Variants in CCSER1 observed in about 807,000 individuals in gnomAD.
The protein encoded by CCSER1 is coiled-coil serine rich protein 1.
Under a neutral mutation model 82.0 loss-of-function variants are expected in CCSER1, and 41 were observed. The ratio of observed to expected loss-of-function variants is 0.50; its 90% CI spans 0.39 to 0.65. CCSER1 has a LOEUF of 0.65. Ranked by LOEUF, CCSER1 falls within the 30% of genes least tolerant of loss-of-function variation. The pLI, the probability that CCSER1 is intolerant of heterozygous loss-of-function variation, is 0.00. For missense variants in CCSER1, 1,119 were observed against 1,064.2 expected (o/e 1.05, Z -0.72); for synonymous variants, 414 against 383.9 (o/e 1.08, Z -0.92).
rs116477198 is a variant in CCSER1 at position 90,340,595 on chromosome 4, A to G, written c.1509+27548A>G. ...GGAAAAAATAGCTGTTGAATCATCT[A>G]TGGAGCATATTGCATAATTTGTAAT... On this transcript the variant is annotated intron_variant, in intron 3 of 10. Transcript: ENST00000509176. 6.3e-3 allele frequency among the ~76,000 whole-genome samples: 967 copies of G among 152,292 alleles called. 13 individuals carry two copies. Among genetic ancestry groups the G allele is most frequent in the African/African-American group, 0.022 (918 of 41,576 alleles).
intron 10 of CCSER1, among the ~76,000 whole-genome samples, chr4:91,225,237 T>G (rs1272086070): frequency 7.1e-6 from 1 of 141,088 alleles, no homozygotes; most frequent in Non-Finnish European, 1.5e-5. Flanking sequence ...TATATACATG[T>G]ATAATTATAT....
intron 7 of CCSER1, among the ~76,000 whole-genome samples, chr4:90,725,428 G>A (rs1743465139): frequency 6.6e-6 from 1 of 151,416 alleles, no homozygotes. Context: ...GGTTCTATAA[G>A]AAATTAAAAC....
chr4:90,474,831 A>G (rs1169207574), intron 5 of CCSER1, among the ~76,000 whole-genome samples: 5 of 152,208 alleles, frequency 3.3e-5, no homozygotes, highest in African/African-American at 1.2e-4. Flanking sequence ...AGTTAAATAT[A>G]GTTATTAAAC....
intron 7 of CCSER1, among the ~76,000 whole-genome samples, chr4:90,791,981 T>G (rs1482640216): frequency 1.3e-5 from 2 of 152,228 alleles, no homozygotes; most frequent in Non-Finnish European, 2.9e-5. Flanking sequence ...TTATTGCAGT[T>G]GCCTTGAACC....
rs532460317 is a variant in CCSER1 at position 91,598,734 on chromosome 4, C to T, written c.2380C>T (p.Leu794=). 3 of 1,551,504 alleles carry T rather than the reference C, an allele frequency of 1.9e-6. No homozygotes were observed. In the East Asian group the frequency reaches 7.3e-5, roughly 38 times the overall value. Residue 794 remains leucine (L), a synonymous_variant, in exon 11 of 11, where the codon CTG becomes TTG. Coordinates refer to ENST00000509176, the MANE Select transcript of CCSER1 (RefSeq NM_001145065.2). ...CCCAAGTCTCTGTTTAAGTAATTTC[C>T]TGAAGGACAAGGAACTAGCAGAAGT... ...QLPSLCLSNF[L]KDKELAEVIK...
chr4:91,556,513 G>A (rs939465363), intron 10 of CCSER1, among the ~76,000 whole-genome samples: 1 of 150,678 alleles, frequency 6.6e-6, no homozygotes, highest in Non-Finnish European at 1.5e-5. Flanking sequence ...TTGTGCATAT[G>A]TACTCTAAAA....
At chr4:91,044,263 C>CTG (rs1249718890) in intron 9 of CCSER1, among the ~76,000 whole-genome samples, 4 of 152,126 alleles carry the variant, frequency 2.6e-5, no homozygotes, top group Admixed American at 6.6e-5. Context: ...AGAATTGCTA[C>CTG]AATTCAAAGA....
chr4:90,473,407 G>C (rs189673501), intron 5 of CCSER1, among the ~76,000 whole-genome samples: 166 of 152,176 alleles, frequency 1.1e-3, no homozygotes, highest in African/African-American at 3.4e-3. Flanking sequence ...CTTAGGAATA[G>C]ATTTGATTTA....
intron 10 of CCSER1, among the ~76,000 whole-genome samples, chr4:91,352,508 T>C (rs1193168407): frequency 6.6e-6 from 1 of 152,168 alleles, no homozygotes; most frequent in African/African-American, 2.4e-5. Context: ...CATCCCAAAG[T>C]GCTCAGATTA....
chr4:90,402,928 TGA>T (rs1753103823), intron 4 of CCSER1, among the ~76,000 whole-genome samples: 1 of 152,232 alleles, frequency 6.6e-6, no homozygotes, highest in Non-Finnish European at 1.5e-5. Context: ...GGGTACCTGA[TGA>T]ATCAACTGAG....
At chr4:90,634,216 A>G (rs1338516709) in intron 6 of CCSER1, among the ~76,000 whole-genome samples, 1 of 151,756 alleles carries the variant, frequency 6.6e-6, no homozygotes, top group African/African-American at 2.4e-5. Context: ...ATAAGTAAAA[A>G]TCAAGGAACT....
intron 10 of CCSER1, among the ~76,000 whole-genome samples, chr4:91,415,621 C>T (rs754253125): frequency 3.3e-5 from 5 of 151,978 alleles, no homozygotes; most frequent in East Asian, 1.9e-4. Flanking sequence ...TACCATGAAG[C>T]GATGTTGAAT....
chr4:90,296,987 T>G (rs1031012512), intron 1 of CCSER1, among the ~76,000 whole-genome samples: 30 of 152,024 alleles, frequency 2.0e-4, no homozygotes, highest in African/African-American at 3.1e-4. Flanking sequence ...CTCTTTTTTG[T>G]TTCCATATGA....
chr4:90,217,876 G>A (rs1741386034), intron 1 of CCSER1, among the ~76,000 whole-genome samples: 1 of 151,942 alleles, frequency 6.6e-6, no homozygotes, highest in South Asian at 2.1e-4. Context: ...GCTCAGTGCA[G>A]CCTTGACCTC....
At chr4:91,475,576 T>C (rs1250712866) in intron 10 of CCSER1, among the ~76,000 whole-genome samples, 4 of 151,890 alleles carry the variant, frequency 2.6e-5, no homozygotes, top group Non-Finnish European at 4.4e-5. Context: ...TTAGTAAAAG[T>C]TGACCCCCTG....
chr4:90,870,005 C>T (rs972710766), intron 8 of CCSER1, among the ~76,000 whole-genome samples: 2 of 151,820 alleles, frequency 1.3e-5, no homozygotes, highest in African/African-American at 4.8e-5. Context: ...AGATTGTTCA[C>T]TCTTAGCATC....
chr4:91,460,439 C>T (rs990401465), intron 10 of CCSER1, among the ~76,000 whole-genome samples: 7 of 152,150 alleles, frequency 4.6e-5, no homozygotes, highest in African/African-American at 1.4e-4. Context: ...AAATTCAGTC[C>T]GATGGCTCTA....
intron 1 of CCSER1, among the ~76,000 whole-genome samples, chr4:90,191,556 A>G (rs1320978384): frequency 6.6e-6 from 1 of 152,002 alleles, no homozygotes; most frequent in Non-Finnish European, 1.5e-5. Flanking sequence ...TGGGTGTACC[A>G]TGCATGGAAA....
intron 10 of CCSER1, among the ~76,000 whole-genome samples, chr4:91,468,536 A>C (rs1246542352): frequency 6.6e-6 from 1 of 151,972 alleles, no homozygotes; most frequent in Admixed American, 6.6e-5. Flanking sequence ...AGGTAATAAA[A>C]TATTTATAAC....
Sources: gnomAD v4.1 joint callset for allele counts (sites outside exome capture counted in the v4.1 genomes callset) on GRCh38, gnomAD v4.1.1 for gene constraint, MANE v1.5 for transcripts, NCBI Gene and HGNC (gene_info 2026-07-23, HGNC 2026-07-21) for gene names.